ARHGEF7: variants seen among roughly 807,000 people sequenced by gnomAD.
The protein encoded by ARHGEF7 is Rho guanine nucleotide exchange factor 7, also known as PAK-interacting exchange factor beta.
Under a neutral mutation model 109.8 loss-of-function variants are expected in ARHGEF7, and 33 were observed. The ratio of observed to expected loss-of-function variants is 0.30; its 90% CI spans 0.23 to 0.40. The LOEUF (loss-of-function observed/expected upper bound fraction) is 0.40. ARHGEF7 is among the 10% of genes least tolerant of loss of function. The pLI is 1.00. For missense variants in ARHGEF7, 938 were observed against 1,098.5 expected (o/e 0.85, Z 2.07); for synonymous variants, 458 against 424.6 (o/e 1.08, Z -0.97).
At chr13:111,158,539 T>C (rs2076515970) in intron 2 of ARHGEF7, among the ~76,000 whole-genome samples, 4 of 152,230 alleles carry the variant, frequency 2.6e-5, no homozygotes, top group Admixed American at 2.6e-4. Context: ...TTTATTTAAC[T>C]GTTTTTCTGG....
At chr13:111,166,377 TG>T (rs1467742493) in intron 2 of ARHGEF7, among the ~76,000 whole-genome samples, 1 of 152,132 alleles carries the variant, frequency 6.6e-6, no homozygotes, top group African/African-American at 2.4e-5. Context: ...TGAGGGTGTT[TG>T]GGCAGAGGGG....
chr13:111,229,703 G>A (rs1375249446), intron 5 of ARHGEF7, among the ~76,000 whole-genome samples: 2 of 152,124 alleles, frequency 1.3e-5, no homozygotes, highest in African/African-American at 4.8e-5. Flanking sequence ...TGTACCCTGG[G>A]TTGTAGAAAT....
chr13:111,297,967 T>G (rs1041722064), intron 19 of ARHGEF7, among the ~76,000 whole-genome samples: 3 of 152,216 alleles, frequency 2.0e-5, no homozygotes, highest in Non-Finnish European at 2.9e-5. Flanking sequence ...TTTGAAGAAA[T>G]GTGTAGCAAA....
intron 4 of ARHGEF7, among the ~76,000 whole-genome samples, chr13:111,216,900 T>C (rs2153487757): frequency 6.6e-6 from 1 of 152,370 alleles, no homozygotes; most frequent in Non-Finnish European, 1.5e-5. Context: ...TCTGCCTTCC[T>C]CTTTCTGCCT....
chr13:111,175,446 T>C (rs543364594), intron 2 of ARHGEF7, among the ~76,000 whole-genome samples: 1 of 152,082 alleles, frequency 6.6e-6, no homozygotes, highest in African/African-American at 2.4e-5. Flanking sequence ...TCAGTCAGGG[T>C]GTTGCCATGT....
intron 4 of ARHGEF7, 57 bp downstream of exon 4, chr13:111,210,059 G>A: frequency 6.2e-7 from 1 of 1,604,610 alleles, no homozygotes; most frequent in Non-Finnish European, 8.5e-7. Flanking sequence ...GAGTGTGTAT[G>A]GATATATCTG....
rs116498324 is a variant in ARHGEF7, at chr13:111,222,296, C to A, written c.670+4416C>A. The stretch of plus-strand genomic sequence containing the variant: ...AAATTCAAGAAATGTCATTTTTGAG[C>A]ATATTAGTGATGCATTTGCTAAACT... On this transcript the variant is annotated intron_variant, in intron 5 of 21. Coordinates refer to ENST00000646102, the MANE Select transcript of ARHGEF7 (RefSeq NM_001354046.2). Among the ~76,000 whole-genome samples the A allele has an allele frequency of 9.7e-3, 1,473 of 152,210 alleles. 20 individuals are homozygous for A. Among genetic ancestry groups the A allele is most frequent in the African/African-American group, 0.032 (1,350 of 41,542 alleles).
chr13:111,245,537 T>C (rs9522171), intron 8 of ARHGEF7, among the ~76,000 whole-genome samples: 80,741 of 151,990 alleles, frequency 0.53, 21,993 homozygotes, highest in East Asian at 0.72. Flanking sequence ...TTGAGTTCTT[T>C]AGCAGCTTCT....
At chr13:111,275,825 A>G in intron 12 of ARHGEF7, 147 bp downstream of exon 12, 1 of 991,652 alleles carries the variant, frequency 1.0e-6, no homozygotes, top group Non-Finnish European at 1.5e-6. Context: ...TTCTTGACAC[A>G]GGAGAGAGGC....
intron 1 of ARHGEF7, among the ~76,000 whole-genome samples, chr13:111,133,756 CTTTTCTTTATAT>C (rs1752289865): frequency 1.1e-5 from 1 of 87,048 alleles, no homozygotes; most frequent in Admixed American, 1.3e-4. Flanking sequence ...AGAGAATCTG[CTTTTCTTTATAT>C]ATATATATAT....
chr13:111,211,183 T>C (rs1398463413), intron 4 of ARHGEF7, among the ~76,000 whole-genome samples: 1 of 152,218 alleles, frequency 6.6e-6, no homozygotes, highest in African/African-American at 2.4e-5. Flanking sequence ...TGGCTGTTGC[T>C]GTTTCCTGCT....
In ARHGEF7 at chr13:111,267,442, G is replaced by T. The variant is rs1178784586; in HGVS notation, c.951-106G>T. The T allele has an allele frequency of 3.5e-6, 5 of 1,442,132 alleles. No individual in the cohort carries two copies. The East Asian group carries it at 1.2e-4, about 35-fold the overall frequency. The allele number at this position is 1,442,132 out of a possible 1,614,324, so 89.3% of individuals were successfully genotyped here. ...CGGGGCCTCTGGTTTTCACAGATGG[G>T]TGCAGAGGGAGGTTTTCCTTACTCA... On this transcript the variant is annotated intron_variant, in intron 8 of 21. Transcript: ENST00000646102.
intron 13 of ARHGEF7, 149 bp downstream of exon 13, chr13:111,277,822 G>C (rs779821012): frequency 3.5e-6 from 2 of 572,158 alleles, no homozygotes; most frequent in Non-Finnish European, 3.1e-6. Context: ...TACAGCTCCT[G>C]TTTGTGTTTC....
chr13:111,215,074 TTTG>T (rs1458081666), intron 4 of ARHGEF7, among the ~76,000 whole-genome samples: 1 of 152,028 alleles, frequency 6.6e-6, no homozygotes, highest in African/African-American at 2.4e-5. Flanking sequence ...TAGTTCTTTT[TTTG>T]TTTTGATTTT....
intron 2 of ARHGEF7, among the ~76,000 whole-genome samples, chr13:111,169,933 T>C (rs910530398): frequency 2.0e-5 from 3 of 152,102 alleles, no homozygotes; most frequent in African/African-American, 7.2e-5. Flanking sequence ...CTGCAGAATA[T>C]CAGGGGGTGA....
At chr13:111,248,743 A>G (rs150820582) in intron 8 of ARHGEF7, among the ~76,000 whole-genome samples, 42 of 152,312 alleles carry the variant, frequency 2.8e-4, no homozygotes, top group African/African-American at 9.4e-4. Context: ...TTGTTCATTC[A>G]CTACAAGAAT....
chr13:111,197,175 C>T (rs1452732226), intron 2 of ARHGEF7, among the ~76,000 whole-genome samples: 17 of 151,786 alleles, frequency 1.1e-4, no homozygotes, highest in Non-Finnish European at 2.2e-4. Flanking sequence ...GCAGCAGAAA[C>T]ACCTCTTGCC....
Position 111,286,161 on chromosome 13 carries a change from C to G in ARHGEF7, c.1965C>G (p.Ser655Arg). 1 of 1,613,178 alleles carries G rather than the reference C, an allele frequency of 6.2e-7. No individual in the cohort carries two copies. The highest frequency in any genetic ancestry group is 8.5e-7 in the Non-Finnish European group (1 of 1,179,254). Residue 655 changes from serine to arginine, a missense_variant, in exon 17 of 22, where the codon AGC (serine) becomes AGG (arginine). By Grantham distance (110) the Ser-to-Arg change is moderately radical. Around this residue, in one of 4 missense-constraint regions of ARHGEF7, gnomAD observed 585 missense variants for 723.6 expected, o/e 0.81. Transcript: ENST00000646102. Reference sequence around the variant, plus strand: ...TCTTTCCCTAGGATCTTAGTAAGAGCCCTAAGACCATGAAAAAGCTGCTGC... The same window carrying G: ...TCTTTCCCTAGGATCTTAGTAAGAGGCCTAAGACCATGAAAAAGCTGCTGC... ...ALCYKEDLSK[S>R]PKTMKKLLPK...
chr13:111,242,131 G>A (rs530949374), intron 6 of ARHGEF7, among the ~76,000 whole-genome samples: 4 of 152,274 alleles, frequency 2.6e-5, no homozygotes, highest in Admixed American at 2.0e-4. Flanking sequence ...AGGGCCCCTC[G>A]CTCTGGCTCT....
Sources: gnomAD v4.1 joint callset for allele counts (sites outside exome capture counted in the v4.1 genomes callset) on GRCh38, gnomAD v4.1.1 for gene constraint, gnomAD v4.1.1 regional missense constraint, MANE v1.5 for transcripts, NCBI Gene and HGNC (gene_info 2026-07-23, HGNC 2026-07-21) for gene names.